Variants in FANCA observed in about 807,000 individuals in gnomAD.
FANCA encodes Fanconi anemia group A protein.
A neutral mutation model predicts 194.3 loss-of-function variants in FANCA; 236 were observed. The observed-to-expected ratio is 1.21, with a 90% CI of 1.09 to 1.35. The LOEUF is 1.35. Among genes scored for constraint, FANCA ranks in the 40% most tolerant of loss-of-function variants. The pLI, the probability that FANCA is intolerant of heterozygous loss-of-function variation, is 0.00. For missense variants in FANCA, 2,628 were observed against 1,813.9 expected (o/e 1.45, Z -8.15); for synonymous variants, 1,014 against 715.8 (o/e 1.42, Z -6.65).
At chr16:89,795,328 T>A (rs931039477) in intron 11 of FANCA, among the ~76,000 whole-genome samples, 1 of 129,816 alleles carries the variant, frequency 7.7e-6, no homozygotes, top group East Asian at 3.1e-4. Flanking sequence ...ATAAATAAAA[T>A]AAAGATATTT....
At chr16:89,812,418 G>A (rs1306956916) in intron 3 of FANCA, among the ~76,000 whole-genome samples, 8 of 151,776 alleles carry the variant, frequency 5.3e-5, no homozygotes, top group African/African-American at 1.2e-4. Flanking sequence ...AGGCCGAGGC[G>A]GGTGGATCAC....
At chr16:89,743,149 G>C (rs1344163208) in intron 36 of FANCA, among the ~76,000 whole-genome samples, 1 of 152,196 alleles carries the variant, frequency 6.6e-6, no homozygotes, top group Non-Finnish European at 1.5e-5. Flanking sequence ...ACAGCATCCT[G>C]GCGTTCTGAG....
In FANCA at chr16:89,778,826, C is replaced by CACGGG. The variant is rs1555552006; in HGVS notation, c.1796_1800dup (p.Val601ProfsTer6). On this transcript the variant is annotated frameshift_variant, in exon 20 of 43. Transcript: ENST00000389301. LOFTEE classifies it high-confidence loss of function. ...CTCTTCAGAGACTCTATAAACGCCA[C>CACGGG]ACGGGAGTCAGGGACTTTGGGGAGC... 3.7e-6 allele frequency: 6 copies of CACGGG among 1,614,046 alleles called. No homozygotes were observed. Among genetic ancestry groups the CACGGG allele is most frequent in the Non-Finnish European group, 5.1e-6 (6 of 1,180,022 alleles).
At chr16:89,781,363 CAAAAAAAAAAAAA>C (rs775937692) in intron 17 of FANCA, among the ~76,000 whole-genome samples, 1 of 60,400 alleles carries the variant, frequency 1.7e-5, no homozygotes, top group African/African-American at 6.9e-5. Context: ...GACTCCATTC[CAAAAAAAAAAAAA>C]AAAAAAAAAA....
At chr16:89,781,524 A>G (rs1422751808) in intron 17 of FANCA, among the ~76,000 whole-genome samples, 2 of 147,552 alleles carry the variant, frequency 1.4e-5, no homozygotes, top group Admixed American at 1.4e-4. Context: ...AAATACAAAA[A>G]AATTAGCTGG....
intron 2 of FANCA, 122 bp from the exon 3 acceptor site, chr16:89,814,735 G>A (rs2041034560): frequency 1.4e-6 from 1 of 713,234 alleles, no homozygotes; most frequent in Non-Finnish European, 2.5e-6. Context: ...GAGGTCAAGA[G>A]TTCGAGACCA....
chr16:89,787,900 G>A (rs1258351296), intron 14 of FANCA, among the ~76,000 whole-genome samples: 2 of 151,660 alleles, frequency 1.3e-5, no homozygotes, highest in Admixed American at 6.6e-5. Context: ...TTGAGACGGG[G>A]TCTTGCTCCA....
Position 89,737,906 on chromosome 16 carries a change from G to GT in FANCA, c.*694dup. ...GACATTCGGGAGCCAAGCCTTTGCAGTAAGTGTGAGTCAGGACCCCCTCCC... is the reference window on the plus strand; with the variant it reads ...GACATTCGGGAGCCAAGCCTTTGCAGTTAAGTGTGAGTCAGGACCCCCTCCC... On this transcript the variant is annotated 3_prime_UTR_variant, in exon 43 of 43. Coordinates refer to ENST00000389301, the MANE Select transcript of FANCA (RefSeq NM_000135.4). The GT allele has an allele frequency of 6.3e-7, 1 of 1,594,468 alleles. No homozygotes were observed. Among genetic ancestry groups the GT allele is most frequent in the Non-Finnish European group, 8.5e-7 (1 of 1,177,010 alleles).
intron 37 of FANCA, among the ~76,000 whole-genome samples, chr16:89,742,410 C>G (rs1248553265): frequency 6.6e-6 from 1 of 151,616 alleles, no homozygotes; most frequent in African/African-American, 2.4e-5. Context: ...GCTGACTGCA[C>G]CACTGCACTC....
At position 89,765,007 on chromosome 16, in the gene FANCA, GTCC is replaced by G; in HGVS notation, c.2658_2660del (p.Glu886del). ...AGGGTCTCCAGGAAAGGCTGGCTACGTCCTCCTCAGAAAGAGGCTGTCGGGCCT... is the reference window on the plus strand; with the variant it reads ...AGGGTCTCCAGGAAAGGCTGGCTACGTCCTCAGAAAGAGGCTGTCGGGCCT... On this transcript the variant is annotated inframe_deletion, in exon 28 of 43. Transcript: ENST00000389301. 1 of 1,614,248 alleles carries G rather than the reference GTCC, an allele frequency of 6.2e-7. No homozygotes were observed. The highest frequency in any genetic ancestry group is 1.3e-5 in the African/African-American group (1 of 75,072).
rs181836193 is a variant in FANCA at position 89,754,652 on chromosome 16, A to C, written c.2982-2430T>G. Among the ~76,000 whole-genome samples the C allele has an allele frequency of 2.0e-3, 312 of 152,276 alleles. 1 individual carries two copies. Among genetic ancestry groups the C allele is most frequent in the Middle Eastern group, 3.4e-3 (1 of 294 alleles). On this transcript the variant is annotated intron_variant, in intron 30 of 42. Coordinates refer to ENST00000389301, the MANE Select transcript of FANCA (RefSeq NM_000135.4). ...CCAAAGTGCTGGGATTACAGGCATGAGCCACCATGCCTGGCCAGACACGAT... is the reference window on the plus strand; with the variant it reads ...CCAAAGTGCTGGGATTACAGGCATGCGCCACCATGCCTGGCCAGACACGAT...
Position 89,815,029 on chromosome 16 carries a change from A to C in FANCA, c.190-416T>G, listed in dbSNP as rs551437548. On this transcript the variant is annotated intron_variant, in intron 2 of 42. Transcript: ENST00000389301. ...ACCTGTGTGTAAGTAATGCTTCCCT[A>C]CTGGGCTATTTTCCTTTTTTTCTTT... 4.6e-5 allele frequency among the ~76,000 whole-genome samples: 7 copies of C among 152,248 alleles called. No individual in the cohort carries two copies. The South Asian group carries it at 1.2e-3, about 27-fold the overall frequency.
At chr16:89,773,962 G>A (rs1358975514) in intron 21 of FANCA, among the ~76,000 whole-genome samples, 3 of 151,912 alleles carry the variant, frequency 2.0e-5, no homozygotes, top group African/African-American at 7.3e-5. Context: ...GTAGAGACGG[G>A]ATTTCACCAC....
At position 89,779,878 on chromosome 16, in the gene FANCA, A is replaced by AT; in HGVS notation, c.1705dup (p.Met569AsnfsTer30). On this transcript the variant is annotated frameshift_variant, in exon 18 of 43. Coordinates refer to ENST00000389301, the MANE Select transcript of FANCA (RefSeq NM_000135.4). LOFTEE classifies it high-confidence loss of function. ...CGGCAGCCCAGCCTACCTGGCCTCC[A>AT]TGACGGTGACTGGGATGTTCCCCGT... The AT allele has an allele frequency of 6.2e-7, 1 of 1,613,772 alleles. No homozygotes were observed. The highest frequency in any genetic ancestry group is 8.5e-7 in the Non-Finnish European group (1 of 1,180,024).
At chr16:89,794,251 G>C (rs916177862) in intron 11 of FANCA, among the ~76,000 whole-genome samples, 10 of 151,570 alleles carry the variant, frequency 6.6e-5, no homozygotes, top group African/African-American at 1.7e-4. Context: ...CAATTTTCCT[G>C]CTTTTAAACT....
intron 5 of FANCA, 102 bp from the exon 6 acceptor site, chr16:89,808,469 C>T: frequency 8.4e-7 from 1 of 1,189,800 alleles, no homozygotes; most frequent in South Asian, 1.3e-5. Context: ...AACTTAGGTT[C>T]TTAACCATGC....
chr16:89,787,404 T>C (rs1449525797), intron 14 of FANCA, among the ~76,000 whole-genome samples: 1 of 152,062 alleles, frequency 6.6e-6, no homozygotes, highest in Non-Finnish European at 1.5e-5. Flanking sequence ...GCGCCTGTAG[T>C]CCCAGCTACT....
chr16:89,773,591 G>C (rs1440356116), intron 21 of FANCA, among the ~76,000 whole-genome samples: 1 of 151,778 alleles, frequency 6.6e-6, no homozygotes, highest in Non-Finnish European at 1.5e-5. Flanking sequence ...TTATAAACGA[G>C]TTTCATAAAA....
chr16:89,786,252 C>T (rs1297704540), intron 14 of FANCA, among the ~76,000 whole-genome samples: 2 of 152,036 alleles, frequency 1.3e-5, no homozygotes, highest in East Asian at 1.9e-4. Context: ...GGCGTAATCT[C>T]GGCTTACCGT....
Sources: gnomAD v4.1 joint callset for allele counts (sites outside exome capture counted in the v4.1 genomes callset) on GRCh38, gnomAD v4.1.1 for gene constraint, MANE v1.5 for transcripts, NCBI Gene and HGNC (gene_info 2026-07-23, HGNC 2026-07-21) for gene names.